The following RNFT2 variants were observed in gnomAD, a reference collection of about 807,000 sequenced individuals.
RNFT2 encodes ring finger protein, transmembrane 2.
RNFT2 carries 36 observed loss-of-function variants against 53.0 expected under a neutral mutation model. That is an observed-to-expected ratio of 0.68 (90% confidence interval 0.52 to 0.90). The LOEUF (loss-of-function observed/expected upper bound fraction) is 0.90, where lower values mean the gene tolerates loss of function less well. Ranked by LOEUF, RNFT2 falls within the 40% of genes least tolerant of loss-of-function variation. RNFT2 has a pLI of 0.00. For missense variants in RNFT2, 514 were observed against 585.6 expected (o/e 0.88, Z 1.26); for synonymous variants, 260 against 253.2 (o/e 1.03, Z -0.26).
chr12:116,836,878 C>T (rs1019362144), intron 10 of RNFT2, among the ~76,000 whole-genome samples: 3 of 151,684 alleles, frequency 2.0e-5, no homozygotes, highest in Admixed American at 1.3e-4. Flanking sequence ...TGCAGTGAGC[C>T]GAGGTCATGC....
intron 6 of RNFT2, among the ~76,000 whole-genome samples, chr12:116,774,351 A>G (rs578249812): frequency 1.3e-5 from 2 of 152,262 alleles, no homozygotes; most frequent in Non-Finnish European, 2.9e-5. Context: ...TACCACTGAC[A>G]TCATTTCATA....
intron 5 of RNFT2, among the ~76,000 whole-genome samples, chr12:116,764,270 T>C (rs916979369): frequency 3.9e-5 from 6 of 152,162 alleles, no homozygotes; most frequent in East Asian, 1.9e-4. Context: ...GCCCAGGTGA[T>C]GGGTGCACGA....
At chr12:116,809,430 A>G (rs561169395) in intron 7 of RNFT2, among the ~76,000 whole-genome samples, 6 of 152,114 alleles carry the variant, frequency 3.9e-5, no homozygotes, top group African/African-American at 4.8e-5. Flanking sequence ...AAGATCCACA[A>G]TCTTTCCAAA....
chr12:116,841,768 T>TATATATATATAAATATATATAA (rs1877264863), intron 10 of RNFT2, among the ~76,000 whole-genome samples: 1 of 96,728 alleles, frequency 1.0e-5, no homozygotes, highest in Non-Finnish European at 2.0e-5. Context: ...TAAATATAAA[T>TATATATATATAAATATATATAA]ATATATATAT....
At chr12:116,823,295 C>G (rs569515737) in intron 7 of RNFT2, among the ~76,000 whole-genome samples, 5 of 152,230 alleles carry the variant, frequency 3.3e-5, no homozygotes, top group Non-Finnish European at 7.3e-5. Context: ...GGGAGAGCAG[C>G]TTGCCCAAAG....
intron 7 of RNFT2, among the ~76,000 whole-genome samples, chr12:116,799,807 T>C (rs1874677634): frequency 6.6e-6 from 1 of 151,952 alleles, no homozygotes; most frequent in South Asian, 2.1e-4. Flanking sequence ...GTGATGAAAA[T>C]GATGGCCTGG....
chr12:116,808,510 G>A (rs1336756364), intron 7 of RNFT2, among the ~76,000 whole-genome samples: 2 of 152,202 alleles, frequency 1.3e-5, no homozygotes, highest in African/African-American at 4.8e-5. Flanking sequence ...GCCCCAGCAG[G>A]CACCTGGGAT....
chr12:116,798,161 A>G (rs1031610431), intron 7 of RNFT2, among the ~76,000 whole-genome samples: 5 of 152,188 alleles, frequency 3.3e-5, no homozygotes, highest in African/African-American at 4.8e-5. Context: ...GTGAGGACAC[A>G]GAGAAAATAG....
At position 116,835,940 on chromosome 12, in the gene RNFT2, C is replaced by T. The variant is rs188396823; in HGVS notation, c.1033-20C>T. ...GTGATCCTTGGGTACATTTCAGCCA[C>T]CACCCTGCTCTCCTTTCAGTCCTTC... On this transcript the variant is annotated intron_variant, in intron 8 of 10. Transcript: ENST00000257575. The T allele has an allele frequency of 1.2e-5, 20 of 1,613,924 alleles. No homozygotes were observed. The African/African-American group carries it at 1.7e-4, about 14-fold the overall frequency.
chr12:116,773,115 C>T (rs763563108), intron 6 of RNFT2, among the ~76,000 whole-genome samples: 1 of 152,196 alleles, frequency 6.6e-6, no homozygotes, highest in Non-Finnish European at 1.5e-5. Flanking sequence ...GTATGAGCCA[C>T]CACGCCCGGC....
intron 10 of RNFT2, among the ~76,000 whole-genome samples, chr12:116,842,612 C>T (rs1427857217): frequency 6.6e-6 from 1 of 152,096 alleles, no homozygotes; most frequent in Admixed American, 6.6e-5. Flanking sequence ...CTCCCTCTGT[C>T]ACCCAGGCTA....
intron 7 of RNFT2, among the ~76,000 whole-genome samples, chr12:116,784,511 C>G (rs1327945230): frequency 6.6e-6 from 1 of 152,132 alleles, no homozygotes; most frequent in Non-Finnish European, 1.5e-5. Context: ...TAGGGAGGCT[C>G]TTTCATCTGG....
intron 10 of RNFT2, among the ~76,000 whole-genome samples, chr12:116,845,769 G>A (rs1271225714): frequency 6.6e-6 from 1 of 151,990 alleles, no homozygotes; most frequent in African/African-American, 2.4e-5. Context: ...TGGTCTTCGC[G>A]GCTCTGTGTG....
chr12:116,801,518 G>A (rs1874790825), intron 7 of RNFT2: 1 of 152,164 alleles, frequency 6.6e-6, no homozygotes, highest in Admixed American at 6.5e-5. Context: ...TTGAGCCCCA[G>A]TTTCTCTGTC....
intron 7 of RNFT2, among the ~76,000 whole-genome samples, chr12:116,822,408 C>T (rs1876089070): frequency 6.6e-6 from 1 of 152,082 alleles, no homozygotes; most frequent in Non-Finnish European, 1.5e-5. Context: ...TGCCAGTGGC[C>T]ATCTTTCCTA....
At position 116,755,055 on chromosome 12, in the gene RNFT2, C is replaced by G. The variant is rs540251958; in HGVS notation, c.627+995C>G. ...CTTTTGGGTTCTTGGTCATGAAATC[C>G]TTGCCTAAGCCAATGTCTAGAAGGG... On this transcript the variant is annotated intron_variant, in intron 5 of 10. Coordinates refer to ENST00000257575, the MANE Select transcript of RNFT2 (RefSeq NM_001382266.1). 2.0e-5 allele frequency among the ~76,000 whole-genome samples: 3 copies of G among 152,272 alleles called. No homozygotes were observed. The South Asian group carries it at 6.2e-4, about 32-fold the overall frequency.
At chr12:116,761,533 C>CCTGCATGTCCTCTGTGTCTGCT (rs1420586336) in intron 5 of RNFT2, among the ~76,000 whole-genome samples, 1 of 152,234 alleles carries the variant, frequency 6.6e-6, no homozygotes, top group African/African-American at 2.4e-5. Flanking sequence ...CCACCATCCT[C>CCTGCATGTCCTCTGTGTCTGCT]CTGCATGTCC....
intron 3 of RNFT2, among the ~76,000 whole-genome samples, chr12:116,745,796 CTT>C (rs918161073): frequency 5.9e-5 from 9 of 152,324 alleles, no homozygotes; most frequent in African/African-American, 2.2e-4. Flanking sequence ...CTTTCAAACA[CTT>C]TTTATTAAGC....
intron 7 of RNFT2, among the ~76,000 whole-genome samples, chr12:116,814,854 T>G (rs1388943518): frequency 6.6e-6 from 1 of 152,190 alleles, no homozygotes; most frequent in Non-Finnish European, 1.5e-5. Flanking sequence ...AAGTTTTCTA[T>G]TTTTAGTACA....
Sources: gnomAD v4.1 joint callset for allele counts (sites outside exome capture counted in the v4.1 genomes callset) on GRCh38, gnomAD v4.1.1 for gene constraint, MANE v1.5 for transcripts, NCBI Gene and HGNC (gene_info 2026-07-23, HGNC 2026-07-21) for gene names.